Variants in GRIP1 observed in about 807,000 individuals in gnomAD.
GRIP1 encodes the protein glutamate receptor-interacting protein 1.
Under a neutral mutation model 129.9 loss-of-function variants are expected in GRIP1, and 45 were observed. That is an observed-to-expected ratio of 0.35 (90% CI 0.27 to 0.44). GRIP1 has a LOEUF of 0.44. Ranked by LOEUF, GRIP1 falls within the 20% of genes least tolerant of loss-of-function variation. The probability of loss-of-function intolerance (pLI) is 1.00; values close to 1 mark genes in which losing one functional copy is unlikely to be tolerated. For missense variants in GRIP1, 1,196 were observed against 1,396.8 expected (o/e 0.86, Z 2.29); for synonymous variants, 530 against 520.8 (o/e 1.02, Z -0.24).
chr12:66,453,825 G>T (rs562882757), intron 11 of GRIP1, among the ~76,000 whole-genome samples: 16 of 152,262 alleles, frequency 1.1e-4, no homozygotes, highest in African/African-American at 3.8e-4. Flanking sequence ...AGGTAATGAT[G>T]CTGGGATGGA....
intron 1 of GRIP1, among the ~76,000 whole-genome samples, chr12:66,706,633 T>C (rs1388526787): frequency 1.3e-5 from 2 of 152,088 alleles, no homozygotes. Flanking sequence ...TGATCAATGA[T>C]AGACTGGATA....
intron 1 of GRIP1, among the ~76,000 whole-genome samples, chr12:66,997,143 G>GT (rs1428948584): frequency 6.6e-6 from 1 of 152,102 alleles, no homozygotes; most frequent in African/African-American, 2.4e-5. Flanking sequence ...AATCTGCAGC[G>GT]TAAGAGTGAC....
At chr12:66,606,859 G>A (rs773338088) in intron 1 of GRIP1, among the ~76,000 whole-genome samples, 4 of 152,078 alleles carry the variant, frequency 2.6e-5, no homozygotes, top group Non-Finnish European at 5.9e-5. Flanking sequence ...TGGGGATACA[G>A]AGGCTTATAG....
chr12:66,982,250 C>T (rs2042250413), intron 1 of GRIP1, among the ~76,000 whole-genome samples: 1 of 152,116 alleles, frequency 6.6e-6, no homozygotes, highest in Non-Finnish European at 1.5e-5. Flanking sequence ...ACCCAATATC[C>T]AATGTCTCCT....
chr12:67,031,709 C>T (rs555505775), intron 1 of GRIP1, among the ~76,000 whole-genome samples: 10 of 152,150 alleles, frequency 6.6e-5, no homozygotes, highest in Non-Finnish European at 1.5e-4. Flanking sequence ...TTTATTCCTT[C>T]CTCTTTTTTA....
intron 1 of GRIP1, among the ~76,000 whole-genome samples, chr12:67,068,884 CA>C (rs1259318820): frequency 8.9e-6 from 1 of 112,258 alleles, no homozygotes; most frequent in African/African-American, 3.4e-5. Flanking sequence ...AAAAATGAAT[CA>C]GAGTTCGCAA....
intron 2 of GRIP1, among the ~76,000 whole-genome samples, chr12:66,542,241 C>T (rs1412552486): frequency 1.3e-5 from 2 of 152,252 alleles, no homozygotes; most frequent in East Asian, 3.9e-4. Context: ...CTGCCATTCT[C>T]AGGTGACATT....
chr12:66,946,775 G>GA (rs1276712566), intron 1 of GRIP1, among the ~76,000 whole-genome samples: 1 of 112,216 alleles, frequency 8.9e-6, no homozygotes, highest in African/African-American at 3.7e-5. Flanking sequence ...TCGGGGGGTG[G>GA]GGTGGGGGAT....
chr12:66,710,050 G>A (rs1315693035), intron 1 of GRIP1, among the ~76,000 whole-genome samples: 1 of 151,940 alleles, frequency 6.6e-6, no homozygotes, highest in Non-Finnish European at 1.5e-5. Context: ...TCACTGCGGT[G>A]ATCACCTGGC....
chr12:66,752,450 C>G (rs1566003309), intron 1 of GRIP1, among the ~76,000 whole-genome samples: 1 of 152,078 alleles, frequency 6.6e-6, no homozygotes, highest in Non-Finnish European at 1.5e-5. Flanking sequence ...GAGTACTCCT[C>G]AAAATATCAT....
At chr12:66,973,481 T>C (rs2042105873) in intron 1 of GRIP1, among the ~76,000 whole-genome samples, 1 of 151,546 alleles carries the variant, frequency 6.6e-6, no homozygotes, top group Admixed American at 6.6e-5. Flanking sequence ...CGCCTCCATA[T>C]AGGAGAGTGT....
chr12:67,068,979 G>T, intron 1 of GRIP1: 1 of 714,824 alleles, frequency 1.4e-6, no homozygotes, highest in Non-Finnish European at 1.7e-6. Flanking sequence ...AGGGAGCCGG[G>T]GAGAGGGAGG....
At chr12:66,388,591 G>C (rs980672406) in intron 19 of GRIP1, among the ~76,000 whole-genome samples, 3 of 152,188 alleles carry the variant, frequency 2.0e-5, no homozygotes, top group Non-Finnish European at 4.4e-5. Context: ...ATTTTGATAA[G>C]GCAGAAGGGC....
chr12:66,673,318 T>A (rs1245459753), intron 1 of GRIP1, among the ~76,000 whole-genome samples: 3 of 152,220 alleles, frequency 2.0e-5, no homozygotes, highest in Admixed American at 6.5e-5. Flanking sequence ...ATGTTAGCTA[T>A]CCTTATTTCC....
intron 1 of GRIP1, among the ~76,000 whole-genome samples, chr12:66,934,095 T>C (rs12812455): frequency 0.21 from 31,500 of 152,124 alleles, 3,516 homozygotes; most frequent in South Asian, 0.26. Context: ...ATCTCCTTTT[T>C]GAAAAGACCT....
intron 1 of GRIP1, among the ~76,000 whole-genome samples, chr12:67,014,343 T>C (rs958833010): frequency 6.6e-6 from 1 of 152,142 alleles, no homozygotes; most frequent in African/African-American, 2.4e-5. Flanking sequence ...TGAGCACCTG[T>C]ATCATAACTG....
Position 66,701,782 on chromosome 12 carries a change from G to A in GRIP1, c.-419-71446C>T, listed in dbSNP as rs186178984. Among the ~76,000 whole-genome samples, 190 of 152,282 alleles carry A rather than the reference G, an allele frequency of 1.2e-3. 4 individuals are homozygous for A. The highest frequency in any genetic ancestry group is 0.011 in the Admixed American group (175 of 15,294). On this transcript the variant is annotated intron_variant, in intron 1 of 4. Transcript: ENST00000538373. Reference sequence around the variant, plus strand: ...CAATAAATACCTGCTGATCAATTAAGCTTCCTTGAGTTAACCCTACACTTG... The same window carrying A: ...CAATAAATACCTGCTGATCAATTAAACTTCCTTGAGTTAACCCTACACTTG...
chr12:66,733,007 C>T (rs1303147453), intron 1 of GRIP1, among the ~76,000 whole-genome samples: 1 of 152,126 alleles, frequency 6.6e-6, no homozygotes, highest in Non-Finnish European at 1.5e-5. Flanking sequence ...ATAATCGCAG[C>T]TTTAAGATGA....
Position 66,655,606 on chromosome 12 carries a change from CTTT to C in GRIP1, c.55+23241_55+23243del, listed in dbSNP as rs1173143521. 1.9e-4 allele frequency among the ~76,000 whole-genome samples: 23 copies of C among 118,020 alleles called. No individual in the cohort carries two copies. The South Asian group carries it at 6.0e-3, about 31-fold the overall frequency. The allele number at this position is 118,020 out of a possible 152,430, so 77.4% of individuals were successfully genotyped here. ...AATATTTTTTTGCAGTTTTTTTGTACTTTTTTTTTTTTTTTTTTTTTGAGACAG... is the reference window on the plus strand; with the variant it reads ...AATATTTTTTTGCAGTTTTTTTGTACTTTTTTTTTTTTTTTTTTGAGACAG... On this transcript the variant is annotated intron_variant, in intron 1 of 24. Coordinates refer to ENST00000359742, the MANE Select transcript of GRIP1 (RefSeq NM_001366722.1).
Sources: gnomAD v4.1 joint callset for allele counts (sites outside exome capture counted in the v4.1 genomes callset) on GRCh38, gnomAD v4.1.1 for gene constraint, MANE v1.5 for transcripts, NCBI Gene and HGNC (gene_info 2026-07-23, HGNC 2026-07-21) for gene names.